FAM110B: variants seen among roughly 807,000 people sequenced by gnomAD.
The protein encoded by FAM110B is family with sequence similarity 110 member B, also known as protein FAM110B.
A neutral mutation model predicts 20.4 loss-of-function variants in FAM110B; 6 were observed. The observed-to-expected ratio is 0.29, with a 90% CI of 0.16 to 0.58. The LOEUF is 0.58. Ranked by LOEUF, FAM110B falls within the 20% of genes least tolerant of loss-of-function variation. The probability of loss-of-function intolerance (pLI) is 0.90; values close to 1 mark genes in which losing one functional copy is unlikely to be tolerated. For synonymous variants in FAM110B, 226 were observed against 214.1 expected, an observed-to-expected ratio of 1.06 and a Z score of -0.49; for missense variants, 434 against 498.2, an observed-to-expected ratio of 0.87 and a Z score of 1.23.
intron 3 of FAM110B, among the ~76,000 whole-genome samples, chr8:58,108,509 C>G (rs1021856838): frequency 2.0e-5 from 3 of 152,168 alleles, no homozygotes; most frequent in African/African-American, 7.2e-5. Flanking sequence ...TGTGAGGCTT[C>G]CTGGCATGTT....
At chr8:58,082,837 GT>G (rs1270825336) in intron 3 of FAM110B, among the ~76,000 whole-genome samples, 3 of 123,096 alleles carry the variant, frequency 2.4e-5, no homozygotes, top group African/African-American at 9.9e-5. Context: ...CTCCATTTTT[GT>G]TTTTTTTTGT....
At chr8:58,006,241 A>G (rs1047789370) in intron 1 of FAM110B, among the ~76,000 whole-genome samples, 1 of 152,232 alleles carries the variant, frequency 6.6e-6, no homozygotes, top group Non-Finnish European at 1.5e-5. Flanking sequence ...GAGCAGTTGC[A>G]TATAACTAAA....
At chr8:58,087,856 C>T (rs1175872709) in intron 3 of FAM110B, among the ~76,000 whole-genome samples, 1 of 152,126 alleles carries the variant, frequency 6.6e-6, no homozygotes, top group East Asian at 1.9e-4. Context: ...AAACTTTAAC[C>T]TTTAGGGGCC....
At chr8:58,026,093 C>T (rs886905275) in intron 1 of FAM110B, among the ~76,000 whole-genome samples, 1 of 152,146 alleles carries the variant, frequency 6.6e-6, no homozygotes, top group Non-Finnish European at 1.5e-5. Context: ...TAGAACATCC[C>T]CTTTACCCCT....
At chr8:58,037,497 A>G (rs542073691) in intron 2 of FAM110B, among the ~76,000 whole-genome samples, 4 of 151,642 alleles carry the variant, frequency 2.6e-5, no homozygotes, top group Non-Finnish European at 4.4e-5. Flanking sequence ...AAATTATCCT[A>G]GTGTGTGGTG....
At chr8:58,006,923 A>ATATATATATATATATATATTTTTTTTTTT in intron 1 of FAM110B, among the ~76,000 whole-genome samples, 1 of 126,534 alleles carries the variant, frequency 7.9e-6, no homozygotes, top group African/African-American at 3.0e-5. Flanking sequence ...ATATATATAT[A>ATATATATATATATATATATTTTTTTTTTT]TTTTTCCAAA....
In FAM110B at chr8:58,021,665, C is replaced by T. The variant is rs140240677; in HGVS notation, c.-511-9941C>T. On this transcript the variant is annotated intron_variant, in intron 1 of 3. Transcript: ENST00000519262. ...TTTAACCACTGTGCTATAAATGCTA[C>T]CTTCTTCAACCAAGTTGATCAACCA... Among the ~76,000 whole-genome samples the T allele has an allele frequency of 6.2e-3, 948 of 152,230 alleles. 10 individuals are homozygous for T. The highest frequency in any genetic ancestry group is 0.02 in the Middle Eastern group (6 of 294).
chr8:58,089,527 AT>A (rs2150602457), intron 3 of FAM110B, among the ~76,000 whole-genome samples: 1 of 152,246 alleles, frequency 6.6e-6, no homozygotes, highest in African/African-American at 2.4e-5. Flanking sequence ...AGCAGACATC[AT>A]TTTACTTCAG....
At chr8:58,097,386 G>A (rs953715206) in intron 3 of FAM110B, among the ~76,000 whole-genome samples, 13 of 152,140 alleles carry the variant, frequency 8.5e-5, no homozygotes, top group Admixed American at 5.9e-4. Context: ...GTGTTTTTCA[G>A]CTCCATCAGG....
intron 3 of FAM110B, among the ~76,000 whole-genome samples, chr8:58,099,727 CTG>C (rs5891667): frequency 0.11 from 17,313 of 152,142 alleles, 1,071 homozygotes; most frequent in Middle Eastern, 0.13. Flanking sequence ...GTATATCAAA[CTG>C]TGTTGTCATT....
At chr8:58,122,446 T>C (rs75152162) in intron 3 of FAM110B, among the ~76,000 whole-genome samples, 7,538 of 152,278 alleles carry the variant, frequency 0.05, 312 homozygotes, top group East Asian at 0.2. Flanking sequence ...TATTACTTGC[T>C]TACTGCATCT....
intron 2 of FAM110B, among the ~76,000 whole-genome samples, chr8:58,074,946 C>T (rs1178358553): frequency 6.6e-6 from 1 of 152,142 alleles, no homozygotes; most frequent in East Asian, 1.9e-4. Context: ...ATACTATATT[C>T]TTCTTTCTGC....
At chr8:58,021,245 A>T (rs768507788) in intron 1 of FAM110B, among the ~76,000 whole-genome samples, 1 of 152,290 alleles carries the variant, frequency 6.6e-6, no homozygotes, top group South Asian at 2.1e-4. Context: ...ACATTCTTCT[A>T]ATTTTTCTTT....
chr8:58,066,821 C>A lies in FAM110B; in HGVS notation c.-413-8714C>A, dbSNP rs148130067. ...ATAGAAATGCTGCTCAGCACTCAGC[C>A]CTCCAAGCTGCCCTCTACTCATGTG... is the stretch of plus-strand genomic sequence containing the variant. On this transcript the variant is annotated intron_variant, in intron 2 of 3. Transcript: ENST00000519262. Among the ~76,000 whole-genome samples, 876 of 152,192 alleles carry A rather than the reference C, an allele frequency of 5.8e-3. 10 individuals carry two copies. Among genetic ancestry groups the A allele is most frequent in the African/African-American group, 0.019 (801 of 41,512 alleles).
chr8:58,066,593 G>C (rs956271198), intron 2 of FAM110B, among the ~76,000 whole-genome samples: 1 of 151,860 alleles, frequency 6.6e-6, no homozygotes, highest in African/African-American at 2.4e-5. Flanking sequence ...GAAAAGGAAG[G>C]GGCACAAGCT....
intron 3 of FAM110B, among the ~76,000 whole-genome samples, chr8:58,115,641 A>C (rs1219453520): frequency 4.6e-5 from 7 of 152,098 alleles, no homozygotes; most frequent in Admixed American, 4.6e-4. Flanking sequence ...TGATCTGCCC[A>C]CCTTGGCCTC....
Position 58,053,169 on chromosome 8 carries a change from C to G in FAM110B, c.-414+21466C>G, listed in dbSNP as rs147606556. On this transcript the variant is annotated intron_variant, in intron 2 of 3. Coordinates refer to ENST00000519262, the MANE Select transcript of FAM110B (RefSeq NM_001377989.1). The stretch of plus-strand genomic sequence containing the variant: ...ACTGCAGTAGAGAGTCTCTTGCTGG[C>G]CTTGCAGAAGTGAGGTGCTGTGTTT... 6.0e-3 allele frequency among the ~76,000 whole-genome samples: 915 copies of G among 152,166 alleles called. 10 individuals carry two copies. Among genetic ancestry groups the G allele is most frequent in the African/African-American group, 0.02 (839 of 41,496 alleles).
chr8:58,146,479 C>G lies in FAM110B; in HGVS notation c.249C>G (p.Pro83=). ...TGAAGCCCGCCGTGCTGGCCAAGCC[C>G]CCGGTGTGCCCGGCTGCCAAGCGCG... ...EPVKPAVLAK[P]PVCPAAKRAL... The change falls in exon 4 of 4, where the codon CCC becomes CCG. Residue 83 remains proline (P), a synonymous_variant. Transcript: ENST00000519262. 4 of 1,613,666 alleles carry G rather than the reference C, an allele frequency of 2.5e-6. No homozygotes were observed. Among genetic ancestry groups the G allele is most frequent in the Non-Finnish European group, 3.4e-6 (4 of 1,179,770 alleles).
intron 2 of FAM110B, among the ~76,000 whole-genome samples, chr8:58,051,684 T>C (rs1217602655): frequency 6.6e-6 from 1 of 152,186 alleles, no homozygotes; most frequent in African/African-American, 2.4e-5. Context: ...TGGTAAAAAG[T>C]ACTATGGAGG....
Sources: gnomAD v4.1 joint callset for allele counts (sites outside exome capture counted in the v4.1 genomes callset) on GRCh38, gnomAD v4.1.1 for gene constraint, MANE v1.5 for transcripts, NCBI Gene and HGNC (gene_info 2026-07-23, HGNC 2026-07-21) for gene names.